Variants in PCNX1 observed in about 807,000 individuals in gnomAD.
PCNX1 encodes pecanex-like protein 1.
In PCNX1, 78 loss-of-function variants were observed where a neutral mutation model predicts 242.2. The observed-to-expected ratio is 0.32, with a 90% CI of 0.27 to 0.39. The LOEUF (loss-of-function observed/expected upper bound fraction) is 0.39, where lower values mean the gene tolerates loss of function less well. Ranked by LOEUF, PCNX1 falls within the 10% of genes least tolerant of loss-of-function variation. The pLI, the probability that PCNX1 is intolerant of heterozygous loss-of-function variation, is 1.00. For synonymous variants in PCNX1, 1,024 were observed against 1,032.9 expected (o/e 0.99, Z 0.17); for missense variants, 2,581 against 2,856.5 (o/e 0.90, Z 2.20).
At chr14:71,008,610 T>C (rs985269426) in intron 8 of PCNX1, among the ~76,000 whole-genome samples, 3 of 137,750 alleles carry the variant, frequency 2.2e-5, no homozygotes, top group Non-Finnish European at 3.0e-5. Context: ...GAGCCGAGAT[T>C]GCGCCACTGC....
At chr14:70,974,029 A>G (rs34049963) in intron 5 of PCNX1, among the ~76,000 whole-genome samples, 55,300 of 149,952 alleles carry the variant, frequency 0.37, 10,406 homozygotes, top group East Asian at 0.62. Flanking sequence ...GAATTTGCCT[A>G]TTCTGGACAT....
At position 71,108,771 on chromosome 14, in the gene PCNX1, T is replaced by C. The variant is rs200709078; in HGVS notation, c.6469T>C (p.Ser2157Pro). 3.8e-5 allele frequency: 61 copies of C among 1,614,238 alleles called. No homozygotes were observed. Among genetic ancestry groups the C allele is most frequent in the East Asian group, 8.9e-5 (4 of 44,884 alleles). Residue 2157 changes from serine (S) to proline (P), a missense_variant, in exon 34 of 36, where the codon TCG (serine) becomes CCG (proline). This residue lies in a region of PCNX1 where 432 missense variants were observed against 433.6 expected (regional missense o/e 1.00). Coordinates refer to ENST00000304743, the MANE Select transcript of PCNX1 (RefSeq NM_014982.3). The part of the protein sequence containing the change: ...PCRRSSTSQI[S>P]LRNLPSSIQS... ...TCGGCGCTCTTCTACTAGTCAGATA[T>C]CGCTTCGAAACTTGCCATCATCCAT...
At position 71,045,183 on chromosome 14, in the gene PCNX1, A is replaced by C; in HGVS notation, c.3918A>C (p.Val1306=). The C allele has an allele frequency of 4.3e-6, 7 of 1,613,086 alleles. No individual in the cohort carries two copies. The highest frequency in any genetic ancestry group is 5.9e-6 in the Non-Finnish European group (7 of 1,179,348). Residue 1306 remains valine, a synonymous_variant, in exon 20 of 36, where the codon GTA becomes GTC. Coordinates refer to ENST00000304743, the MANE Select transcript of PCNX1 (RefSeq NM_014982.3). ...CATTGGTTGGCTTTGTGGGTTTTGTAACCCATTATGTGCTGCCTCAAGTTA... is the reference window on the plus strand; with the variant it reads ...CATTGGTTGGCTTTGTGGGTTTTGTCACCCATTATGTGCTGCCTCAAGTTA... ...LYTLVGFVGF[V]THYVLPQVRK...
At chr14:71,096,977 A>C (rs552604869) in intron 30 of PCNX1, among the ~76,000 whole-genome samples, 2 of 152,270 alleles carry the variant, frequency 1.3e-5, no homozygotes, top group African/African-American at 4.8e-5. Flanking sequence ...CATACAGAGA[A>C]GGATGTACCT....
chr14:70,992,814 A>G (rs2059208549), intron 7 of PCNX1, among the ~76,000 whole-genome samples: 1 of 152,208 alleles, frequency 6.6e-6, no homozygotes, highest in Non-Finnish European at 1.5e-5. Flanking sequence ...TTAGTTTAGG[A>G]TAAAGTGCAG....
intron 2 of PCNX1, among the ~76,000 whole-genome samples, chr14:70,961,047 T>C (rs1320959953): frequency 3.9e-5 from 6 of 152,292 alleles, no homozygotes; most frequent in African/African-American, 7.2e-5. Context: ...CATTCCATGC[T>C]CATAGGTAGG....
Position 71,047,927 on chromosome 14 carries a change from A to G in PCNX1, c.4281A>G (p.Glu1427=). Residue 1427 remains glutamate (E), a synonymous_variant, in exon 22 of 36, where the codon GAA becomes GAG. Transcript: ENST00000304743. ...FTVLFFKFDY[E]AFSETMLLDL... is the part of the protein sequence containing the mutation. ...TGCTGTTTTTCAAATTTGACTATGA[A>G]GCTTTTTCAGAGACCATGCTGTTGG... 6 of 1,613,332 alleles carry G rather than the reference A, an allele frequency of 3.7e-6. No homozygotes were observed. The highest frequency in any genetic ancestry group is 5.1e-6 in the Non-Finnish European group (6 of 1,179,488).
chr14:71,046,700 G>T (rs930195544), intron 20 of PCNX1, among the ~76,000 whole-genome samples: 1 of 152,026 alleles, frequency 6.6e-6, no homozygotes. Flanking sequence ...TAAGTTATAA[G>T]CATAAATGAG....
intron 8 of PCNX1, among the ~76,000 whole-genome samples, chr14:70,999,611 C>G (rs1230485547): frequency 1.3e-5 from 2 of 152,046 alleles, no homozygotes; most frequent in African/African-American, 4.8e-5. Flanking sequence ...TGTTTTATTA[C>G]TGTGTAAGGA....
At chr14:70,956,180 G>A (rs974107866) in intron 2 of PCNX1, among the ~76,000 whole-genome samples, 1 of 152,036 alleles carries the variant, frequency 6.6e-6, no homozygotes, top group African/African-American at 2.4e-5. Context: ...TCTAAATAAT[G>A]GTGTTTACTT....
At chr14:70,926,986 C>T (rs919685216) in intron 1 of PCNX1, among the ~76,000 whole-genome samples, 1 of 152,110 alleles carries the variant, frequency 6.6e-6, no homozygotes, top group Non-Finnish European at 1.5e-5. Context: ...GACTGGGTAT[C>T]GCTTCACTTT....
At chr14:71,021,158 C>T (rs1412109439) in intron 12 of PCNX1, among the ~76,000 whole-genome samples, 1 of 152,164 alleles carries the variant, frequency 6.6e-6, no homozygotes, top group African/African-American at 2.4e-5. Flanking sequence ...GTTTTGGTTA[C>T]TGTAGCCTTG....
chr14:71,042,063 T>A (rs2060722604), intron 19 of PCNX1, among the ~76,000 whole-genome samples: 1 of 152,190 alleles, frequency 6.6e-6, no homozygotes, highest in Non-Finnish European at 1.5e-5. Context: ...TTTCAATTTT[T>A]AAAAATTTGT....
At chr14:71,033,782 T>C (rs2060456438) in intron 17 of PCNX1, 149 bp from the exon 18 acceptor site, 2 of 619,326 alleles carry the variant, frequency 3.2e-6, no homozygotes, top group Non-Finnish European at 5.7e-6. Context: ...TGCTTATTTA[T>C]GGTATCCTAA....
chr14:71,113,883 A>G lies in PCNX1; in HGVS notation c.*3948A>G, dbSNP rs2141949612. The G allele has an allele frequency of 6.6e-6, 1 of 152,112 alleles. No homozygotes were observed. Among genetic ancestry groups the G allele is most frequent in the Non-Finnish European group, 1.5e-5 (1 of 67,958 alleles). The allele number at this position is 152,112 out of a possible 1,614,324, so 9.4% of individuals were successfully genotyped here. ...TGTGTGTGTGTATGTTTGTTTTTTA[A>G]GTCGTCATTATTCATTCGTATTCTT... On this transcript the variant is annotated 3_prime_UTR_variant, in exon 36 of 36. Transcript: ENST00000304743.
In PCNX1 at chr14:71,109,557, A is replaced by T; in HGVS notation, c.6850A>T (p.Lys2284Ter). Reference sequence around the variant, plus strand: ...GTTAAAAGCTGGGAGAAATAGCTGGAAAGACTGGAGTCCGCAGGAGGGCAT... The same window carrying T: ...GTTAAAAGCTGGGAGAAATAGCTGGTAAGACTGGAGTCCGCAGGAGGGCAT... ...IRLKAGRNSW[K>*]DWSPQEGMEG... Residue 2284 changes from lysine (K) to a stop codon, truncating the protein, a stop_gained, in exon 35 of 36, where the codon AAA (lysine) becomes TAA (stop). Coordinates refer to ENST00000304743, the MANE Select transcript of PCNX1 (RefSeq NM_014982.3). LOFTEE classifies it high-confidence loss of function. 1 of 1,614,186 alleles carries T rather than the reference A, an allele frequency of 6.2e-7. No homozygotes were observed.
chr14:71,065,172 T>C (rs934711705), intron 26 of PCNX1, among the ~76,000 whole-genome samples: 2 of 152,234 alleles, frequency 1.3e-5, no homozygotes, highest in South Asian at 4.1e-4. Flanking sequence ...TTTCTAGTTC[T>C]AGATTCTTGA....
chr14:71,009,582 G>C, intron 8 of PCNX1, 52 bp from the exon 9 acceptor site: 1 of 1,070,794 alleles, frequency 9.3e-7, no homozygotes, highest in Non-Finnish European at 1.3e-6. Context: ...TATCATGAAG[G>C]AAAAATTCTG....
rs371575687 is a variant in PCNX1, at chr14:70,949,470, GTATA to G, written c.362+2354_362+2357del. Among the ~76,000 whole-genome samples, 217 of 151,466 alleles carry G rather than the reference GTATA, an allele frequency of 1.4e-3. 5 individuals are homozygous for G. In the East Asian group the frequency reaches 0.034, roughly 24 times the overall value. On this transcript the variant is annotated intron_variant, in intron 2 of 35. Transcript: ENST00000304743. ...ATGTATAATATACACATACGCATGT[GTATA>G]TATATACACACACACCTTAAGCAAA...
Sources: gnomAD v4.1 joint callset for allele counts (sites outside exome capture counted in the v4.1 genomes callset) on GRCh38, gnomAD v4.1.1 for gene constraint, gnomAD v4.1.1 regional missense constraint, MANE v1.5 for transcripts, NCBI Gene and HGNC (gene_info 2026-07-23, HGNC 2026-07-21) for gene names.